Variants in ALKBH8 observed in about 807,000 individuals in gnomAD.
ALKBH8 encodes alkB homolog 8, tRNA methyltransferase.
A neutral mutation model predicts 59.8 loss-of-function variants in ALKBH8; 36 were observed. The ratio of observed to expected loss-of-function variants is 0.60; its 90% CI spans 0.46 to 0.79. The LOEUF (loss-of-function observed/expected upper bound fraction) is 0.79. Ranked by LOEUF, ALKBH8 falls within the 30% of genes least tolerant of loss-of-function variation. The pLI is 0.00. For synonymous variants in ALKBH8, 276 were observed against 273.6 expected (o/e 1.01, Z -0.09); for missense variants, 768 against 801.0 (o/e 0.96, Z 0.50).
rs572523689 is a variant in ALKBH8 at position 107,517,454 on chromosome 11, A to G, written c.1287+4845T>C. 3.3e-5 allele frequency among the ~76,000 whole-genome samples: 5 copies of G among 152,358 alleles called. No individual in the cohort carries two copies. The South Asian group carries it at 1.0e-3, about 32-fold the overall frequency. On this transcript the variant is annotated intron_variant, in intron 10 of 11. Coordinates refer to ENST00000428149, the MANE Select transcript of ALKBH8 (RefSeq NM_138775.3). ...AAAATGAAATCGGTAGGTCAAAGAG[A>G]TATCTGCACTCCCATGTTTACTGCA...
At chr11:107,520,202 T>C (rs1863049793) in intron 10 of ALKBH8, among the ~76,000 whole-genome samples, 1 of 152,162 alleles carries the variant, frequency 6.6e-6, no homozygotes, top group African/African-American at 2.4e-5. Context: ...AAACCATTAA[T>C]TAGTAAGCTT....
intron 3 of ALKBH8, 113 bp downstream of exon 3, chr11:107,556,653 C>T (rs1864724805): frequency 4.5e-6 from 3 of 664,534 alleles, no homozygotes; most frequent in Non-Finnish European, 6.8e-6. Flanking sequence ...GTAAAAGGAG[C>T]TGCTAACCTG....
chr11:107,560,812 T>C lies in ALKBH8; in HGVS notation c.82A>G (p.Thr28Ala), dbSNP rs1178112023. ...FLRKQIKAKH[T>A]LLRHEGIETV... ...TCAATGCCTTCATGTCTCAGCAAAG[T>C]ATGCTTGGCTTTAATCTGTTTCCTT... Residue 28 changes from threonine (T) to alanine (A), a missense_variant, in exon 2 of 12, where the codon ACT becomes GCT. Physicochemically the swap from Thr to Ala is moderately conservative, Grantham distance 58. Coordinates refer to ENST00000428149, the MANE Select transcript of ALKBH8 (RefSeq NM_138775.3). 6.2e-7 allele frequency: 1 copy of C among 1,613,312 alleles called. No homozygotes were observed. Among genetic ancestry groups the C allele is most frequent in the Admixed American group, 1.7e-5 (1 of 59,974 alleles).
intron 6 of ALKBH8, among the ~76,000 whole-genome samples, chr11:107,550,197 T>C (rs1057032935): frequency 1.2e-4 from 18 of 152,166 alleles, no homozygotes; most frequent in African/African-American, 4.3e-4. Context: ...AATAACCAGG[T>C]ATAAAGACTA....
chr11:107,532,469 T>C (rs1863637294), intron 7 of ALKBH8, 63 bp from the exon 8 acceptor site: 3 of 1,267,086 alleles, frequency 2.4e-6, no homozygotes, highest in African/African-American at 3.1e-5. Flanking sequence ...AGGATAAGAA[T>C]GATTAATAGA....
chr11:107,544,302 C>T (rs540202941), intron 7 of ALKBH8, among the ~76,000 whole-genome samples: 15 of 152,274 alleles, frequency 9.9e-5, no homozygotes, highest in Admixed American at 2.6e-4. Context: ...AGACTGCTGG[C>T]TGAAACAGGT....
At chr11:107,562,067 G>A (rs182078461) in intron 1 of ALKBH8, among the ~76,000 whole-genome samples, 1 of 152,214 alleles carries the variant, frequency 6.6e-6, no homozygotes, top group East Asian at 1.9e-4. Context: ...GGAGGCCAAG[G>A]CAGGCAGATC....
intron 7 of ALKBH8, among the ~76,000 whole-genome samples, chr11:107,544,858 CACAA>C (rs1864185006): frequency 8.7e-6 from 1 of 115,346 alleles, no homozygotes; most frequent in African/African-American, 3.1e-5. Context: ...CACACACACA[CACAA>C]AGAAGGAGAA....
chr11:107,555,554 T>C (rs1054196592), intron 3 of ALKBH8, among the ~76,000 whole-genome samples: 5 of 152,214 alleles, frequency 3.3e-5, no homozygotes, highest in African/African-American at 9.6e-5. Flanking sequence ...TTCCAAAATA[T>C]GTAAAGCTTA....
intron 7 of ALKBH8, among the ~76,000 whole-genome samples, chr11:107,536,232 T>C (rs1182531187): frequency 6.6e-6 from 1 of 152,256 alleles, no homozygotes; most frequent in Non-Finnish European, 1.5e-5. Flanking sequence ...CTGGAGTCTC[T>C]CTGAACCTAT....
intron 1 of ALKBH8, chr11:107,562,859 GAGGA>G (rs1478222050): frequency 1.3e-5 from 2 of 152,214 alleles, no homozygotes; most frequent in Admixed American, 1.3e-4. Context: ...AGAGGAGAAA[GAGGA>G]AGGGTGAGTG....
rs189660564 is a variant in ALKBH8 at position 107,512,357 on chromosome 11, A to T, written c.1288-1321T>A. ...GAGACAGGGTCTCACTCTATTACCT[A>T]AGCTCGAGTACAGTGGTGCAATCCC... On this transcript the variant is annotated intron_variant, in intron 10 of 11. Coordinates refer to ENST00000428149, the MANE Select transcript of ALKBH8 (RefSeq NM_138775.3). Among the ~76,000 whole-genome samples the T allele has an allele frequency of 1.2e-4, 18 of 152,188 alleles. No homozygotes were observed. The East Asian group carries it at 2.7e-3, about 23-fold the overall frequency.
At chr11:107,541,145 C>T (rs1407350326) in intron 7 of ALKBH8, among the ~76,000 whole-genome samples, 1 of 152,136 alleles carries the variant, frequency 6.6e-6, no homozygotes, top group Non-Finnish European at 1.5e-5. Flanking sequence ...ATAGCATCTA[C>T]CACAGTCTCT....
At chr11:107,560,496 A>T (rs1272245329) in intron 2 of ALKBH8, among the ~76,000 whole-genome samples, 1 of 152,146 alleles carries the variant, frequency 6.6e-6, no homozygotes, top group Non-Finnish European at 1.5e-5. Context: ...GAATATAAGT[A>T]TGCTTAGGAA....
At chr11:107,529,742 T>G (rs192920983) in intron 8 of ALKBH8, among the ~76,000 whole-genome samples, 1 of 152,030 alleles carries the variant, frequency 6.6e-6, no homozygotes, top group African/African-American at 2.4e-5. Flanking sequence ...TGACCTGTGA[T>G]CCACCCGCCT....
In ALKBH8 at chr11:107,532,387, T is replaced by C. The variant is rs1303735820; in HGVS notation, c.791A>G (p.His264Arg). The change falls in exon 8 of 12, where the codon CAC (histidine) becomes CGC (arginine). Residue 264 changes from histidine to arginine, a missense_variant. By Grantham distance (29) the His-to-Arg change is conservative. Transcript: ENST00000428149. ...AACTGGCACTGCAATGCCATCTGGG[T>C]GCTTAAAATCCATGACAATCTTGAA... Reference protein sequence around the residue: ...LGSEIVMDFKHPDGIAVPVML... With the variant: ...LGSEIVMDFKRPDGIAVPVML... The C allele has an allele frequency of 6.2e-7, 1 of 1,613,394 alleles. No individual in the cohort carries two copies. The highest frequency in any genetic ancestry group is 1.7e-5 in the Admixed American group (1 of 59,984).
At chr11:107,518,353 T>G (rs1322650736) in intron 10 of ALKBH8, among the ~76,000 whole-genome samples, 1 of 152,212 alleles carries the variant, frequency 6.6e-6, no homozygotes, top group African/African-American at 2.4e-5. Flanking sequence ...TGAAGTGCAG[T>G]GTGCGATTAT....
chr11:107,548,847 TTTTC>T (rs1197114924), intron 7 of ALKBH8, among the ~76,000 whole-genome samples: 7 of 88,544 alleles, frequency 7.9e-5, no homozygotes, highest in Admixed American at 7.1e-4. Flanking sequence ...AAAATTCTGA[TTTTC>T]TTTCTTTTTT....
At chr11:107,542,413 T>G (rs1276605657) in intron 7 of ALKBH8, among the ~76,000 whole-genome samples, 1 of 151,958 alleles carries the variant, frequency 6.6e-6, no homozygotes, top group Non-Finnish European at 1.5e-5. Context: ...GAGGAAAAAT[T>G]AGTGCATGAG....
Sources: allele counts gnomAD v4.1 joint callset (sites outside exome capture counted in the v4.1 genomes callset), GRCh38; gene constraint gnomAD v4.1.1; transcripts MANE v1.5; gene names NCBI Gene and HGNC (gene_info 2026-07-23, HGNC 2026-07-21).